CADM1: variants seen among roughly 807,000 people sequenced by gnomAD.
CADM1 encodes TSLC-1.
A neutral mutation model predicts 53.1 loss-of-function variants in CADM1; 15 were observed. The ratio of observed to expected loss-of-function variants is 0.28; its 90% CI spans 0.19 to 0.44. The LOEUF is 0.44. Ranked by LOEUF, CADM1 falls within the 20% of genes least tolerant of loss-of-function variation. CADM1 has a pLI of 1.00. For missense variants in CADM1, 434 were observed against 611.3 expected (o/e 0.71, Z 3.06); for synonymous variants, 281 against 243.0 (o/e 1.16, Z -1.45).
At position 115,178,751 on chromosome 11, in the gene CADM1, G is replaced by A. The variant is rs267602705; in HGVS notation, c.1190C>T (p.Ser397Leu). The change falls in exon 11 of 12, where the codon TCG becomes TTG. Residue 397 changes from serine to leucine, a missense_variant. By Grantham distance (145) the Ser-to-Leu change is moderately radical. Transcript: ENST00000331581. ...LSDSRAGEEG[S>L]IRAVDHAVIG... The stretch of plus-strand genomic sequence containing the variant: ...CACGGCATGATCCACTGCCCTGATC[G>A]AGCCTTCTTCACCTGCTCGGGAATC... 5 of 1,614,012 alleles carry A rather than the reference G, an allele frequency of 3.1e-6. No individual in the cohort carries two copies. The highest frequency in any genetic ancestry group is 1.3e-5 in the African/African-American group (1 of 75,034).
chr11:115,340,645 TATATATATA>T (rs1565375098), intron 1 of CADM1, among the ~76,000 whole-genome samples: 1 of 35,068 alleles, frequency 2.9e-5, no homozygotes, highest in African/African-American at 9.8e-5. Flanking sequence ...TATATATATA[TATATATATA>T]TATATTTTTT....
chr11:115,486,577 T>C (rs1949377640), intron 1 of CADM1, among the ~76,000 whole-genome samples: 1 of 152,126 alleles, frequency 6.6e-6, no homozygotes, highest in Non-Finnish European at 1.5e-5. Context: ...GCTCCTGGGC[T>C]CAAGCAATCC....
chr11:115,327,671 TGAACTCTA>T (rs1944995642), intron 1 of CADM1, among the ~76,000 whole-genome samples: 2 of 152,172 alleles, frequency 1.3e-5, no homozygotes, highest in Admixed American at 6.5e-5. Context: ...TGATGTGGAC[TGAACTCTA>T]GAACAAGAGT....
intron 1 of CADM1, among the ~76,000 whole-genome samples, chr11:115,488,027 C>T (rs1028811784): frequency 6.7e-5 from 3 of 44,512 alleles, no homozygotes; most frequent in Middle Eastern, 9.6e-3. Context: ...CTTTAAAAGG[C>T]AATCCCTGGA....
intron 1 of CADM1, among the ~76,000 whole-genome samples, chr11:115,414,967 C>A (rs1947557417): frequency 6.6e-6 from 1 of 152,156 alleles, no homozygotes; most frequent in Non-Finnish European, 1.5e-5. Flanking sequence ...CATCAATTAT[C>A]CCCTAATAAG....
At chr11:115,298,490 G>A (rs1375528009) in intron 1 of CADM1, among the ~76,000 whole-genome samples, 1 of 152,198 alleles carries the variant, frequency 6.6e-6, no homozygotes, top group African/African-American at 2.4e-5. Context: ...TTCAAAGACA[G>A]ATGGTCCTCT....
At chr11:115,247,451 T>TA (rs557864581) in intron 1 of CADM1, among the ~76,000 whole-genome samples, 8 of 152,056 alleles carry the variant, frequency 5.3e-5, no homozygotes, top group Middle Eastern at 3.4e-3. Flanking sequence ...AGGCCTGGTT[T>TA]AAAAAAAAGG....
At chr11:115,284,104 CTCTCTCTCTCTGTGTGTGTGTG>C (rs1334383380) in intron 1 of CADM1, among the ~76,000 whole-genome samples, 2 of 136,120 alleles carry the variant, frequency 1.5e-5, no homozygotes, top group Non-Finnish European at 3.1e-5. Flanking sequence ...CTCTCTCTCT[CTCTCTCTCTCTGTGTGTGTGTG>C]TGTGTGTGTG....
In CADM1 at chr11:115,446,560, A is replaced by G. The variant is rs11215564; in HGVS notation, c.124+57711T>C. ...CCTTTATAGATTAAAGAATGGATAA[A>G]AGAACTAAGTCCCAGAGAGGTTAAG... On this transcript the variant is annotated intron_variant, in intron 1 of 11. Coordinates refer to ENST00000331581, the MANE Select transcript of CADM1 (RefSeq NM_001301043.2). Among the ~76,000 whole-genome samples, 183 of 152,318 alleles carry G rather than the reference A, an allele frequency of 1.2e-3. 2 individuals carry two copies. In the East Asian group the frequency reaches 0.027, roughly 23 times the overall value.
At chr11:115,247,618 C>T (rs1263720593) in intron 1 of CADM1, among the ~76,000 whole-genome samples, 1 of 152,180 alleles carries the variant, frequency 6.6e-6, no homozygotes, top group East Asian at 1.9e-4. Context: ...AATACTGATG[C>T]TTAGGGTGGT....
At position 115,340,626 on chromosome 11, in the gene CADM1, T is replaced by TTACA. The variant is rs1363818648; in HGVS notation, c.125-100207_125-100206insTGTA. On this transcript the variant is annotated intron_variant, in intron 1 of 11. Transcript: ENST00000331581. ...GTGGAGTCACACAACATAATAAATA[T>TTACA]TATATATATATATATATATATATAT... is the stretch of plus-strand genomic sequence containing the variant. Among the ~76,000 whole-genome samples, 9 of 48,246 alleles carry TTACA rather than the reference T, an allele frequency of 1.9e-4. 2 individuals carry two copies. Among genetic ancestry groups the TTACA allele is most frequent in the African/African-American group, 7.6e-4 (8 of 10,482 alleles). 31.7% of individuals were successfully genotyped at this position (48,246 alleles called of 152,430 possible).
intron 1 of CADM1, among the ~76,000 whole-genome samples, chr11:115,499,771 T>C (rs922806320): frequency 6.6e-5 from 10 of 152,226 alleles, no homozygotes; most frequent in African/African-American, 2.4e-4. Flanking sequence ...CTAATATCTT[T>C]CCCCTCTCAA....
intron 1 of CADM1, among the ~76,000 whole-genome samples, chr11:115,358,968 T>C (rs1945955044): frequency 2.0e-5 from 3 of 152,218 alleles, no homozygotes. Flanking sequence ...ATAAATGTTT[T>C]GTGCTTCCCA....
chr11:115,448,879 G>A (rs1396445957), intron 1 of CADM1, among the ~76,000 whole-genome samples: 2 of 152,118 alleles, frequency 1.3e-5, no homozygotes, highest in African/African-American at 4.8e-5. Context: ...GATCTCAAAT[G>A]TATTAAGTTT....
At chr11:115,209,502 G>T in intron 8 of CADM1, 72 bp downstream of exon 8, 1 of 1,601,100 alleles carries the variant, frequency 6.2e-7, no homozygotes, top group South Asian at 1.1e-5. Context: ...GGAACTTTTC[G>T]GCTTCTTTTT....
intron 1 of CADM1, among the ~76,000 whole-genome samples, chr11:115,427,748 C>T (rs915628810): frequency 1.3e-5 from 2 of 151,960 alleles, no homozygotes; most frequent in Admixed American, 6.6e-5. Flanking sequence ...GTGGCTCACG[C>T]CTGTAATCCC....
intron 11 of CADM1, among the ~76,000 whole-genome samples, chr11:115,177,801 T>A (rs193154609): frequency 6.6e-6 from 1 of 152,046 alleles, no homozygotes; most frequent in Non-Finnish European, 1.5e-5. Flanking sequence ...GCACTCTGTA[T>A]CCTAAAGGTG....
At chr11:115,356,686 A>G (rs948296474) in intron 1 of CADM1, among the ~76,000 whole-genome samples, 2 of 152,224 alleles carry the variant, frequency 1.3e-5, no homozygotes, top group South Asian at 4.1e-4. Flanking sequence ...GTAAATCCCA[A>G]TGTGACCTCT....
intron 1 of CADM1, among the ~76,000 whole-genome samples, chr11:115,328,734 A>AC (rs1945048454): frequency 8.6e-6 from 1 of 115,952 alleles, no homozygotes; most frequent in African/African-American, 3.4e-5. Flanking sequence ...ATGTATATAC[A>AC]TATATATATA....
Sources: gnomAD v4.1 joint callset for allele counts (sites outside exome capture counted in the v4.1 genomes callset) on GRCh38, gnomAD v4.1.1 for gene constraint, MANE v1.5 for transcripts, NCBI Gene and HGNC (gene_info 2026-07-23, HGNC 2026-07-21) for gene names.